DNAH3: variants seen among roughly 807,000 people sequenced by gnomAD.
The protein encoded by DNAH3 is dynein axonemal heavy chain 3, also known as axonemal beta dynein heavy chain 3.
Under a neutral mutation model 432.5 loss-of-function variants are expected in DNAH3, and 332 were observed. That is an observed-to-expected ratio of 0.77 (90% CI 0.70 to 0.84). The LOEUF is 0.84. Among genes scored for constraint, DNAH3 ranks in the 40% least tolerant of loss-of-function variants. The pLI, the probability that DNAH3 is intolerant of heterozygous loss-of-function variation, is 0.00. For synonymous variants in DNAH3, 1,956 were observed against 1,900.2 expected (o/e 1.03, Z -0.76); for missense variants, 4,861 against 5,114.0 (o/e 0.95, Z 1.51).
rs773784196 is a variant in DNAH3, at chr16:21,067,424, G to C, written c.3382-5C>G. ...CAGAATCCTGTTATCTTTCACCTGGGTTCCATCAAAAAAAGTGAGACTCAT... is the reference window on the plus strand; with the variant it reads ...CAGAATCCTGTTATCTTTCACCTGGCTTCCATCAAAAAAAGTGAGACTCAT... On this transcript the variant is annotated splice_region_variant and splice_polypyrimidine_tract_variant and intron_variant, in intron 23 of 61. Coordinates refer to ENST00000261383, the Ensembl canonical transcript of DNAH3. 6 of 1,612,986 alleles carry C rather than the reference G, an allele frequency of 3.7e-6. No homozygotes were observed. Among genetic ancestry groups the C allele is most frequent in the Non-Finnish European group, 5.1e-6 (6 of 1,179,544 alleles).
At chr16:21,007,931 C>G (rs1263101700) in intron 41 of DNAH3, among the ~76,000 whole-genome samples, 1 of 152,108 alleles carries the variant, frequency 6.6e-6, no homozygotes, top group Non-Finnish European at 1.5e-5. Flanking sequence ...TTCAGTTGTT[C>G]CAGCACGATT....
intron 52 of DNAH3, among the ~76,000 whole-genome samples, chr16:20,968,696 C>G (rs536784914): frequency 2.0e-5 from 3 of 152,066 alleles, no homozygotes; most frequent in Non-Finnish European, 4.4e-5. Context: ...CTTTCTTCCT[C>G]TCCATTGCCG....
rs1255968113 is a variant in DNAH3, at chr16:21,046,744, T to C, written c.4461+2825A>G. On this transcript the variant is annotated intron_variant, in intron 31 of 61. Coordinates refer to ENST00000261383, the Ensembl canonical transcript of DNAH3. ...TGATGTTAGCTGGTTATTTTGCTCGTTAGTTGATGCAGTTTCTTCCTAGTC... is the reference window on the plus strand; with the variant it reads ...TGATGTTAGCTGGTTATTTTGCTCGCTAGTTGATGCAGTTTCTTCCTAGTC... Among the ~76,000 whole-genome samples the C allele has an allele frequency of 8.5e-5, 13 of 152,260 alleles. No homozygotes were observed. The South Asian group carries it at 2.7e-3, about 32-fold the overall frequency.
chr16:20,981,275 C>T (rs564016877), intron 49 of DNAH3, among the ~76,000 whole-genome samples: 2 of 152,226 alleles, frequency 1.3e-5, no homozygotes, highest in African/African-American at 4.8e-5. Context: ...GTAATGTTTC[C>T]CATTCATATT....
intron 3 of DNAH3, among the ~76,000 whole-genome samples, chr16:21,142,160 T>C (rs182254193): frequency 2.0e-5 from 3 of 151,312 alleles, no homozygotes; most frequent in African/African-American, 4.8e-5. Flanking sequence ...AGGTCAGGAG[T>C]TGGAGACCAG....
At chr16:21,120,451 G>A (rs571729769) in intron 11 of DNAH3, among the ~76,000 whole-genome samples, 1 of 152,254 alleles carries the variant, frequency 6.6e-6, no homozygotes, top group East Asian at 1.9e-4. Flanking sequence ...AGATCTTGCA[G>A]TGAGTGAAGG....
At chr16:21,154,309 G>C (rs1020758495) in intron 1 of DNAH3, among the ~76,000 whole-genome samples, 1 of 152,158 alleles carries the variant, frequency 6.6e-6, no homozygotes, top group East Asian at 1.9e-4. Flanking sequence ...GGTTGCTGAG[G>C]CAGGAGAATT....
intron 37 of DNAH3, among the ~76,000 whole-genome samples, chr16:21,029,836 T>G (rs1323724492): frequency 6.6e-6 from 1 of 152,178 alleles, no homozygotes; most frequent in Non-Finnish European, 1.5e-5. Flanking sequence ...GCCCCCACTT[T>G]TTTTTTGAGA....
chr16:21,145,302 G>A, exon 3 of DNAH3: 1 of 1,614,150 alleles, frequency 6.2e-7, no homozygotes, highest in Non-Finnish European at 8.5e-7. Flanking sequence ...TGTTGGCGAT[G>A]GAATCACTGG....
In DNAH3 at chr16:20,975,460, A is replaced by C. The variant is rs759317119; in HGVS notation, c.8077-45T>G. ...GAGAAATCCAGGGTCAGCACTGAAAATGGCAAAGTAGACAAGAATTGAAAT... is the reference window on the plus strand; with the variant it reads ...GAGAAATCCAGGGTCAGCACTGAAACTGGCAAAGTAGACAAGAATTGAAAT... On this transcript the variant is annotated intron_variant, in intron 50 of 61. Transcript: ENST00000261383. 8 of 1,568,132 alleles carry C rather than the reference A, an allele frequency of 5.1e-6. No individual in the cohort carries two copies. In the South Asian group the frequency reaches 9.2e-5, roughly 18 times the overall value.
chr16:21,047,341 A>G (rs991584128), intron 31 of DNAH3, among the ~76,000 whole-genome samples: 1 of 148,404 alleles, frequency 6.7e-6, no homozygotes, highest in Non-Finnish European at 1.5e-5. Context: ...GTCTTTTCAC[A>G]TAGTCCCATA....
At chr16:21,145,482 G>A (rs575487553) in intron 2 of DNAH3, 76 bp from the exon 4 acceptor site, 1 of 1,306,678 alleles carries the variant, frequency 7.7e-7, no homozygotes, top group Non-Finnish European at 1.1e-6. Flanking sequence ...TCACACTGAG[G>A]CTCACAAGAG....
At chr16:21,022,373 G>A (rs1432826356) in intron 39 of DNAH3, among the ~76,000 whole-genome samples, 1 of 152,150 alleles carries the variant, frequency 6.6e-6, no homozygotes, top group African/African-American at 2.4e-5. Context: ...AAATACTCTG[G>A]GTCAGCTACA....
intron 41 of DNAH3, among the ~76,000 whole-genome samples, chr16:21,009,532 T>C (rs1371823854): frequency 6.6e-6 from 1 of 152,232 alleles, no homozygotes; most frequent in African/African-American, 2.4e-5. Context: ...CTTCCTTTGC[T>C]GATGTTGAGC....
intron 1 of DNAH3, among the ~76,000 whole-genome samples, chr16:21,147,612 C>T (rs2092801953): frequency 6.6e-6 from 1 of 152,206 alleles, no homozygotes. Context: ...ATAAGCAACT[C>T]TTTATGATTC....
At chr16:21,148,171 C>G (rs1161049022) in intron 1 of DNAH3, among the ~76,000 whole-genome samples, 1 of 152,116 alleles carries the variant, frequency 6.6e-6, no homozygotes, top group African/African-American at 2.4e-5. Context: ...GCCCCCAACC[C>G]CTTAAAGATG....
intron 44 of DNAH3, among the ~76,000 whole-genome samples, chr16:20,990,090 T>C (rs948925956): frequency 6.6e-6 from 1 of 152,162 alleles, no homozygotes; most frequent in Non-Finnish European, 1.5e-5. Context: ...GGGGCTCCCA[T>C]AGTGCAGCGG....
Position 20,985,645 on chromosome 16 carries a change from TA to T in DNAH3, c.7096del (p.Tyr2366IlefsTer17), listed in dbSNP as rs755470043. ...TTTTTGGTCACTTTCTGGCTTGAAA[TA>T]ATCTCCAAAGAAGAGGCTTCGAATG... is the stretch of plus-strand genomic sequence containing the variant. On this transcript the variant is annotated frameshift_variant, in exon 48 of 62. Coordinates refer to ENST00000261383, the Ensembl canonical transcript of DNAH3. LOFTEE classifies it high-confidence loss of function. 5 of 1,614,218 alleles carry T rather than the reference TA, an allele frequency of 3.1e-6. No individual in the cohort carries two copies. The highest frequency in any genetic ancestry group is 4.2e-6 in the Non-Finnish European group (5 of 1,180,046).
intron 44 of DNAH3, among the ~76,000 whole-genome samples, chr16:20,990,665 T>C (rs1173167365): frequency 6.6e-6 from 1 of 152,064 alleles, no homozygotes; most frequent in Non-Finnish European, 1.5e-5. Context: ...ACAAAACAAA[T>C]GTATAGTTTA....
Sources: allele counts gnomAD v4.1 joint callset (sites outside exome capture counted in the v4.1 genomes callset), GRCh38; gene constraint gnomAD v4.1.1; transcripts MANE v1.5; gene names NCBI Gene and HGNC (gene_info 2026-07-23, HGNC 2026-07-21).